Variants in SBF2 observed in about 807,000 individuals in gnomAD.
SBF2 encodes the protein myotubularin-related protein 13.
In SBF2, 112 loss-of-function variants were observed where a neutral mutation model predicts 225.2. That is an observed-to-expected ratio of 0.50 (90% CI 0.43 to 0.58). The LOEUF (loss-of-function observed/expected upper bound fraction) is 0.58. Ranked by LOEUF, SBF2 falls within the 20% of genes least tolerant of loss-of-function variation. SBF2 has a pLI of 0.00. For synonymous variants in SBF2, 763 were observed against 773.3 expected, an observed-to-expected ratio of 0.99 and a Z score of 0.22; for missense variants, 1,996 against 2,206.2, an observed-to-expected ratio of 0.90 and a Z score of 1.91.
chr11:10,153,333 T>C (rs546963730), intron 2 of SBF2, among the ~76,000 whole-genome samples: 118 of 152,294 alleles, frequency 7.7e-4, no homozygotes, highest in African/African-American at 2.7e-3. Context: ...TAATTTGAAT[T>C]ATACAAATCT....
intron 2 of SBF2, among the ~76,000 whole-genome samples, chr11:10,045,587 T>C (rs1197488215): frequency 6.6e-6 from 1 of 152,244 alleles, no homozygotes. Context: ...GACCATTGTT[T>C]GTGTCCACGT....
intron 1 of SBF2, among the ~76,000 whole-genome samples, chr11:10,268,751 C>T (rs1342302688): frequency 6.6e-6 from 1 of 152,182 alleles, no homozygotes; most frequent in Non-Finnish European, 1.5e-5. Context: ...ATATTTGGGC[C>T]ATGCTCTCAA....
intron 1 of SBF2, among the ~76,000 whole-genome samples, chr11:10,213,531 G>C (rs1355918826): frequency 6.6e-6 from 1 of 152,122 alleles, no homozygotes; most frequent in Non-Finnish European, 1.5e-5. Context: ...CAATTGCATA[G>C]GTTTTTGCTA....
At chr11:9,886,699 G>GTTTTTTTTTTTTTT (rs61240594) in intron 17 of SBF2, among the ~76,000 whole-genome samples, 2 of 133,740 alleles carry the variant, frequency 1.5e-5, no homozygotes, top group African/African-American at 2.8e-5. Flanking sequence ...TGATTCATGT[G>GTTTTTTTTTTTTTT]TTTTTTTTTT....
chr11:10,180,366 T>C (rs1033838265), intron 2 of SBF2, among the ~76,000 whole-genome samples: 38 of 151,942 alleles, frequency 2.5e-4, no homozygotes, highest in Non-Finnish European at 5.1e-4. Context: ...TAAAAGCCTC[T>C]TTCCTTCAGC....
At chr11:9,796,094 A>C in intron 32 of SBF2, 137 bp from the exon 33 acceptor site, 2 of 865,874 alleles carry the variant, frequency 2.3e-6, no homozygotes, top group Non-Finnish European at 3.7e-6. Context: ...CCCTACCATA[A>C]GTAGAGATGG....
intron 33 of SBF2, among the ~76,000 whole-genome samples, chr11:9,795,021 G>A (rs1311394773): frequency 6.6e-6 from 1 of 152,096 alleles, no homozygotes; most frequent in Non-Finnish European, 1.5e-5. Flanking sequence ...GTGGTACTGA[G>A]TGCATATAAT....
chr11:9,939,183 C>A (rs1009680040), intron 16 of SBF2, among the ~76,000 whole-genome samples: 11 of 152,176 alleles, frequency 7.2e-5, no homozygotes, highest in Admixed American at 2.0e-4. Flanking sequence ...GCAACCTCTG[C>A]CTCCAAGGTT....
At chr11:10,137,354 T>C (rs539528338) in intron 2 of SBF2, among the ~76,000 whole-genome samples, 1 of 152,326 alleles carries the variant, frequency 6.6e-6, no homozygotes, top group African/African-American at 2.4e-5. Flanking sequence ...GGGACAGATT[T>C]ATTCCTTCCA....
At chr11:10,114,180 G>T (rs1299402737) in intron 2 of SBF2, among the ~76,000 whole-genome samples, 1 of 151,642 alleles carries the variant, frequency 6.6e-6, no homozygotes, top group Non-Finnish European at 1.5e-5. Flanking sequence ...AATTAAATTA[G>T]ATAATGCATG....
intron 2 of SBF2, among the ~76,000 whole-genome samples, chr11:10,062,680 A>T (rs1950492225): frequency 6.6e-6 from 1 of 152,226 alleles, no homozygotes; most frequent in Non-Finnish European, 1.5e-5. Flanking sequence ...TTAAAAATTC[A>T]AAAAATAACA....
chr11:10,106,379 G>A (rs538899429), intron 2 of SBF2, among the ~76,000 whole-genome samples: 2 of 152,180 alleles, frequency 1.3e-5, no homozygotes, highest in Admixed American at 6.5e-5. Flanking sequence ...GTAATCCCAG[G>A]ACTTTGGGAG....
intron 1 of SBF2, among the ~76,000 whole-genome samples, chr11:10,258,830 T>TA (rs1464922166): frequency 1.3e-5 from 2 of 151,720 alleles, no homozygotes; most frequent in Non-Finnish European, 2.9e-5. Flanking sequence ...AAACAAACAA[T>TA]AAAGCAGAGG....
At chr11:10,210,053 C>T (rs960438151) in intron 1 of SBF2, among the ~76,000 whole-genome samples, 1 of 152,042 alleles carries the variant, frequency 6.6e-6, no homozygotes, top group African/African-American at 2.4e-5. Context: ...GCCTGTAATC[C>T]CAAGCACTTT....
chr11:9,841,015 T>G (rs1856096759), intron 25 of SBF2, among the ~76,000 whole-genome samples: 1 of 152,166 alleles, frequency 6.6e-6, no homozygotes, highest in Admixed American at 6.5e-5. Context: ...CCTATTTATT[T>G]TGAAAGTAAG....
chr11:9,939,158 C>T lies in SBF2; in HGVS notation c.1860+22799G>A, dbSNP rs113156643. On this transcript the variant is annotated intron_variant, in intron 16 of 39. Transcript: ENST00000256190. Reference sequence around the variant, plus strand: ...TCGCCTAGGCTGGAGTGCAGTGGTGCGATCTCGGCTCACTGCAACCTCTGC... The same window carrying T: ...TCGCCTAGGCTGGAGTGCAGTGGTGTGATCTCGGCTCACTGCAACCTCTGC... Among the ~76,000 whole-genome samples the T allele has an allele frequency of 8.9e-3, 1,357 of 152,122 alleles. 23 individuals are homozygous for T. Among genetic ancestry groups the T allele is most frequent in the African/African-American group, 0.031 (1,270 of 41,514 alleles).
At chr11:10,299,562 C>T (rs567479790) in intron 1 of SBF2, among the ~76,000 whole-genome samples, 20 of 152,330 alleles carry the variant, frequency 1.3e-4, no homozygotes, top group Non-Finnish European at 2.6e-4. Context: ...AAATGTAGGA[C>T]TGCCTGTTCA....
intron 2 of SBF2, among the ~76,000 whole-genome samples, chr11:10,101,856 A>T (rs950476879): frequency 6.6e-6 from 1 of 152,124 alleles, no homozygotes; most frequent in Admixed American, 6.6e-5. Context: ...AGGATAGAAC[A>T]TGGGTTTAGG....
intron 2 of SBF2, among the ~76,000 whole-genome samples, chr11:10,055,042 T>C (rs971972990): frequency 6.6e-6 from 1 of 152,190 alleles, no homozygotes; most frequent in Non-Finnish European, 1.5e-5. Flanking sequence ...CCTGGAACTA[T>C]AGGCGTGCAC....
Sources: gnomAD v4.1 joint callset for allele counts (sites outside exome capture counted in the v4.1 genomes callset) on GRCh38, gnomAD v4.1.1 for gene constraint, MANE v1.5 for transcripts, NCBI Gene and HGNC (gene_info 2026-07-23, HGNC 2026-07-21) for gene names.